The following PI16 variants were observed in gnomAD, a reference collection of about 807,000 sequenced individuals.
PI16 encodes the protein peptidase inhibitor 16.
PI16 carries 35 observed loss-of-function variants against 38.0 expected under a neutral mutation model. The ratio of observed to expected loss-of-function variants is 0.92; its 90% confidence interval spans 0.70 to 1.22. The LOEUF is 1.22. Among genes scored for constraint, PI16 ranks in the 50% most tolerant of loss-of-function variants. The probability of loss-of-function intolerance (pLI) is 0.00; values close to 1 mark genes in which losing one functional copy is unlikely to be tolerated. For synonymous variants in PI16, 275 were observed against 252.9 expected (o/e 1.09, Z -0.83); for missense variants, 572 against 593.8 (o/e 0.96, Z 0.38).
chr6:36,959,374 C>A lies in PI16; in HGVS notation c.393+8C>A. ...TGCGGCCACTACACGCAGGTGTGGG[C>A]CCGGCGGGCGAGGCGGGGCGGAGCC... On this transcript the variant is annotated splice_region_variant and intron_variant, in intron 2 of 6. Transcript: ENST00000373674. The A allele has an allele frequency of 1.3e-6, 2 of 1,545,418 alleles. No homozygotes were observed. The highest frequency in any genetic ancestry group is 1.9e-4 in the Middle Eastern group (1 of 5,272).
intron 2 of PI16, 103 bp downstream of exon 2, chr6:36,959,469 C>G: frequency 8.5e-7 from 1 of 1,183,088 alleles, no homozygotes; most frequent in Non-Finnish European, 1.2e-6. Flanking sequence ...TCCTAAGCGT[C>G]CTCGCTGCAA....
chr6:36,961,616 AG>A, intron 3 of PI16, 56 bp downstream of exon 3: 1 of 1,515,020 alleles, frequency 6.6e-7, no homozygotes. Context: ...GGCAGAGCCA[AG>A]GGGAGGGCAG....
rs954803970 is a variant in PI16, at chr6:36,959,305, A to T, written c.332A>T (p.Glu111Val). ...ATGGAGGAGTGGCACCACGAGCGTGAGCACTACAACCTCAGCGCCGCCACC... is the reference window on the plus strand; with the variant it reads ...ATGGAGGAGTGGCACCACGAGCGTGTGCACTACAACCTCAGCGCCGCCACC... ...LAMEEWHHER[E>V]HYNLSAATCS... The change falls in exon 2 of 7, where the codon GAG (glutamate) becomes GTG (valine). Residue 111 changes from glutamate to valine, a missense_variant. Transcript: ENST00000373674. 1.3e-6 allele frequency: 2 copies of T among 1,588,778 alleles called. No individual in the cohort carries two copies. The highest frequency in any genetic ancestry group is 2.7e-5 in the African/African-American group (2 of 74,506).
At chr6:36,960,325 ATGTGTGTGTGTGTGTGTGTG>A (rs10664545) in intron 2 of PI16, among the ~76,000 whole-genome samples, 4 of 139,920 alleles carry the variant, frequency 2.9e-5, no homozygotes, top group Non-Finnish European at 6.2e-5. Flanking sequence ...TGCAGATAAG[ATGTGTGTGTGTGTGTGTGTG>A]TGTGTGTGTG....
chr6:36,950,782 A>G (rs1763087703), upstream of PI16, among the ~76,000 whole-genome samples: 1 of 152,054 alleles, frequency 6.6e-6, no homozygotes, highest in African/African-American at 2.4e-5. The surrounding 1 kb of genome is among the most constrained non-coding windows in gnomAD (Gnocchi z 4.2). Flanking sequence ...ACCTCAGGTG[A>G]TCCGCCCGCC....
In PI16 at chr6:36,959,238, C is replaced by G. The variant is rs780350604; in HGVS notation, c.265C>G (p.Leu89Val). ...NKERGRRGEN[L>V]FAITDEGMDV... ...GGAGCGCGGGCGCCGCGGCGAGAATCTGTTCGCCATCACAGACGAGGGCAT... is the reference window on the plus strand; with the variant it reads ...GGAGCGCGGGCGCCGCGGCGAGAATGTGTTCGCCATCACAGACGAGGGCAT... Residue 89 changes from leucine to valine, a missense_variant, in exon 2 of 7, where the codon CTG becomes GTG. Coordinates refer to ENST00000373674, the MANE Select transcript of PI16 (RefSeq NM_153370.3). The G allele has an allele frequency of 1.2e-6, 2 of 1,609,314 alleles. No individual in the cohort carries two copies. Among genetic ancestry groups the G allele is most frequent in the Non-Finnish European group, 1.7e-6 (2 of 1,178,442 alleles).
upstream of PI16, among the ~76,000 whole-genome samples, chr6:36,953,597 G>A (rs1050846708): frequency 6.6e-6 from 1 of 152,024 alleles, no homozygotes; most frequent in Non-Finnish European, 1.5e-5. Context: ...GGCAGGGACA[G>A]GTTTTCTTGT....
chr6:36,964,063 A>C, intron 6 of PI16, 101 bp downstream of exon 6: 1 of 1,381,016 alleles, frequency 7.2e-7, no homozygotes, highest in South Asian at 1.5e-5. Flanking sequence ...TCTGTGGCCC[A>C]GCAGCCCCCC....
In PI16 at chr6:36,962,372, C is replaced by T. The variant is rs79080856; in HGVS notation, c.592+398C>T. ...GACCGCGATCCCGCTGGAGAAGTCC[C>T]CTGAAAAAGGGCAAGTACGAATGTA... On this transcript the variant is annotated intron_variant, in intron 4 of 6. Coordinates refer to ENST00000373674, the MANE Select transcript of PI16 (RefSeq NM_153370.3). The surrounding 1 kb of genome is among the most constrained non-coding windows in gnomAD (Gnocchi z 4.1). 2.3e-3 allele frequency among the ~76,000 whole-genome samples: 350 copies of T among 152,288 alleles called. 3 individuals carry two copies. The East Asian group carries it at 0.026, about 11-fold the overall frequency.
upstream of PI16, among the ~76,000 whole-genome samples, chr6:36,949,957 T>C (rs116189164): frequency 3.3e-3 from 498 of 152,230 alleles, 2 homozygotes; most frequent in African/African-American, 0.01. Context: ...CCAGACACGA[T>C]TTTTCCTTTG....
intron 1 of PI16, among the ~76,000 whole-genome samples, chr6:36,948,775 C>T (rs187786611): frequency 7.7e-4 from 111 of 144,956 alleles, no homozygotes; most frequent in Middle Eastern, 3.6e-3. Flanking sequence ...CCTCCCTTCC[C>T]TTTCTTTCTT....
Position 36,963,976 on chromosome 6 carries a change from AG to A in PI16, c.*18+20del, listed in dbSNP as rs765804723. Reference sequence around the variant, plus strand: ...TACCACTCAAAGGCAAGGCCTGGTGAGGGGGGCCCTGGCCTCATACCCACCT... The same window carrying A: ...TACCACTCAAAGGCAAGGCCTGGTGAGGGGGCCCTGGCCTCATACCCACCT... On this transcript the variant is annotated intron_variant, in intron 6 of 6. Coordinates refer to ENST00000373674, the MANE Select transcript of PI16 (RefSeq NM_153370.3). 3 of 1,598,052 alleles carry A rather than the reference AG, an allele frequency of 1.9e-6. No individual in the cohort carries two copies. The highest frequency in any genetic ancestry group is 2.7e-5 in the African/African-American group (2 of 74,292).
upstream of PI16, among the ~76,000 whole-genome samples, chr6:36,952,234 T>A (rs942136163): frequency 5.3e-5 from 8 of 152,266 alleles, no homozygotes; most frequent in South Asian, 1.7e-3. Context: ...CCTCAAGTGA[T>A]CCACCCACCT....
At chr6:36,951,795 G>A (rs1302817591), upstream of PI16, among the ~76,000 whole-genome samples, 1 of 151,970 alleles carries the variant, frequency 6.6e-6, no homozygotes, top group Non-Finnish European at 1.5e-5. Flanking sequence ...GCCTACTTGG[G>A]AGGCTGAGGT....
chr6:36,954,846 C>T lies in PI16; in HGVS notation c.86C>T (p.Thr29Ile), dbSNP rs1382238450. The T allele has an allele frequency of 6.2e-7, 1 of 1,614,028 alleles. No homozygotes were observed. The part of the protein sequence containing the change: ...VATTGPVGAL[T>I]DEEKRLMVEL... ...ACCACAGGCCCCGTTGGAGCCCTCACAGATGAGGAGAAACGTTTGATGGTG... is the reference window on the plus strand; with the variant it reads ...ACCACAGGCCCCGTTGGAGCCCTCATAGATGAGGAGAAACGTTTGATGGTG... The change falls in exon 1 of 7, where the codon ACA (threonine) becomes ATA (isoleucine). Residue 29 changes from threonine (T) to isoleucine (I), a missense_variant. Physicochemically the swap from Thr to Ile is moderately conservative, Grantham distance 89. Coordinates refer to ENST00000373674, the MANE Select transcript of PI16 (RefSeq NM_153370.3).
chr6:36,954,904 C>CCCG lies in PI16; in HGVS notation c.145_147dup (p.Pro49dup). On this transcript the variant is annotated inframe_insertion, in exon 1 of 7. Coordinates refer to ENST00000373674, the MANE Select transcript of PI16 (RefSeq NM_153370.3). The stretch of plus-strand genomic sequence containing the variant: ...ACAACCTCTACCGGGCCCAGGTATC[C>CCCG]CCGACGGCCTCAGACATGCTGCACA... 6.2e-7 allele frequency: 1 copy of CCCG among 1,613,582 alleles called. No individual in the cohort carries two copies. The highest frequency in any genetic ancestry group is 8.5e-7 in the Non-Finnish European group (1 of 1,179,988).
chr6:36,950,967 C>T (rs1311664037), upstream of PI16, among the ~76,000 whole-genome samples: 1 of 152,208 alleles, frequency 6.6e-6, no homozygotes, highest in Non-Finnish European at 1.5e-5. The surrounding 1 kb of genome is among the most constrained non-coding windows in gnomAD (Gnocchi z 4.2). Flanking sequence ...GCACCTTTTA[C>T]ATTCCCAGAA....
At chr6:36,964,298 A>AC in intron 6 of PI16, 88 bp from the exon 7 acceptor site, 1 of 196,600 alleles carries the variant, frequency 5.1e-6, no homozygotes, top group Non-Finnish European at 1.0e-5. Flanking sequence ...CTTCCCAGGA[A>AC]CCCCCGGGCC....
At position 36,959,129 on chromosome 6, in the gene PI16, C is replaced by G. The variant is rs1763278327; in HGVS notation, c.172-16C>G. The G allele has an allele frequency of 5.6e-6, 9 of 1,595,786 alleles. No individual in the cohort carries two copies. The highest frequency in any genetic ancestry group is 1.3e-5 in the African/African-American group (1 of 74,682). On this transcript the variant is annotated splice_polypyrimidine_tract_variant and intron_variant, in intron 1 of 6. Transcript: ENST00000373674. Reference sequence around the variant, plus strand: ...CTGTGGGCATCCTCACCTCCCTTCTCTCACCTGCCCTGCAGAGATGGGACG... The same window carrying G: ...CTGTGGGCATCCTCACCTCCCTTCTGTCACCTGCCCTGCAGAGATGGGACG...
Sources: gnomAD v4.1 joint callset for allele counts (sites outside exome capture counted in the v4.1 genomes callset) on GRCh38, gnomAD v4.1.1 for gene constraint, Gnocchi (gnomAD v3.1) non-coding constraint, MANE v1.5 for transcripts, NCBI Gene and HGNC (gene_info 2026-07-23, HGNC 2026-07-21) for gene names.